The following CDH12 variants were observed in gnomAD, a reference collection of about 807,000 sequenced individuals.
CDH12 encodes cadherin-12.
Under a neutral mutation model 74.1 loss-of-function variants are expected in CDH12, and 41 were observed. The ratio of observed to expected loss-of-function variants is 0.55; its 90% CI spans 0.43 to 0.72. The LOEUF (loss-of-function observed/expected upper bound fraction) is 0.72. Among genes scored for constraint, CDH12 ranks in the 30% least tolerant of loss-of-function variants. The pLI, the probability that CDH12 is intolerant of heterozygous loss-of-function variation, is 0.00. For synonymous variants in CDH12, 399 were observed against 355.0 expected, an observed-to-expected ratio of 1.12 and a Z score of -1.39; for missense variants, 945 against 977.2, an observed-to-expected ratio of 0.97 and a Z score of 0.44.
chr5:22,066,187 T>G (rs942051061), intron 5 of CDH12, among the ~76,000 whole-genome samples: 52 of 152,108 alleles, frequency 3.4e-4, no homozygotes, highest in African/African-American at 6.0e-4. Context: ...CATAGGTTTT[T>G]GGGGGAACAG....
chr5:22,462,037 T>C (rs891449432), intron 2 of CDH12, among the ~76,000 whole-genome samples: 5 of 152,146 alleles, frequency 3.3e-5, no homozygotes, highest in Non-Finnish European at 7.4e-5. Context: ...AAATATACTA[T>C]AAGATACATC....
At chr5:21,797,308 A>G (rs142740187) in intron 10 of CDH12, among the ~76,000 whole-genome samples, 2 of 152,146 alleles carry the variant, frequency 1.3e-5, no homozygotes, top group African/African-American at 4.8e-5. Context: ...AAAGGAAAAC[A>G]AAACAAACAG....
At chr5:22,609,075 G>A (rs1737264577) in intron 1 of CDH12, among the ~76,000 whole-genome samples, 1 of 152,086 alleles carries the variant, frequency 6.6e-6, no homozygotes, top group Non-Finnish European at 1.5e-5. Context: ...CATGTGTTGA[G>A]GTAAGGGGCA....
intron 5 of CDH12, among the ~76,000 whole-genome samples, chr5:22,015,449 C>T (rs898911534): frequency 5.9e-5 from 9 of 152,108 alleles, no homozygotes; most frequent in Non-Finnish European, 1.3e-4. Context: ...TGGAAATTTA[C>T]ATTTTTATCT....
At chr5:21,868,108 T>C (rs1196103028) in intron 6 of CDH12, among the ~76,000 whole-genome samples, 1 of 152,094 alleles carries the variant, frequency 6.6e-6, no homozygotes, top group East Asian at 1.9e-4. Context: ...CCGTCCACCA[T>C]GATTGTGAGG....
intron 1 of CDH12, among the ~76,000 whole-genome samples, chr5:22,604,290 C>A (rs1217734968): frequency 1.3e-5 from 2 of 152,178 alleles, no homozygotes; most frequent in Non-Finnish European, 2.9e-5. Context: ...CCATGCCCAG[C>A]ACTTGTGACT....
In CDH12 at chr5:22,739,119, T is replaced by G. The variant is rs139053599; in HGVS notation, c.-523+113939A>C. Reference sequence around the variant, plus strand: ...CTCAAATGTCACTAAAGAAAGAAAATTCAAGGTAGTTATCATGTTAATTTG... The same window carrying G: ...CTCAAATGTCACTAAAGAAAGAAAAGTCAAGGTAGTTATCATGTTAATTTG... On this transcript the variant is annotated intron_variant, in intron 1 of 14. Coordinates refer to ENST00000382254, the MANE Select transcript of CDH12 (RefSeq NM_004061.5). Among the ~76,000 whole-genome samples, 441 of 151,928 alleles carry G rather than the reference T, an allele frequency of 2.9e-3. 1 individual carries two copies. Among genetic ancestry groups the G allele is most frequent in the African/African-American group, 0.01 (419 of 41,496 alleles).
At chr5:22,028,085 T>A (rs1738511237) in intron 5 of CDH12, among the ~76,000 whole-genome samples, 1 of 152,140 alleles carries the variant, frequency 6.6e-6, no homozygotes, top group South Asian at 2.1e-4. Context: ...CAGTAGTCAT[T>A]CAGGAGCAAG....
chr5:22,677,780 G>A (rs577313156), intron 1 of CDH12, among the ~76,000 whole-genome samples: 152 of 152,120 alleles, frequency 1.0e-3, no homozygotes, highest in Non-Finnish European at 1.8e-3. Context: ...GTCTTAGTTT[G>A]GGATGCCCAC....
chr5:22,246,026 G>T (rs561206889), intron 3 of CDH12, among the ~76,000 whole-genome samples: 1 of 152,174 alleles, frequency 6.6e-6, no homozygotes, highest in East Asian at 1.9e-4. Flanking sequence ...TAGTGGTATT[G>T]GTTGAACTAG....
At chr5:21,792,206 T>C (rs1746537411) in intron 10 of CDH12, among the ~76,000 whole-genome samples, 1 of 151,934 alleles carries the variant, frequency 6.6e-6, no homozygotes. Flanking sequence ...CAACAATATG[T>C]CAATTGTAAT....
intron 10 of CDH12, among the ~76,000 whole-genome samples, chr5:21,790,479 T>C (rs952030283): frequency 6.6e-6 from 1 of 152,094 alleles, no homozygotes; most frequent in African/African-American, 2.4e-5. Context: ...CAATGAAATG[T>C]AGCATGAAGC....
intron 3 of CDH12, among the ~76,000 whole-genome samples, chr5:22,308,928 AG>A (rs1181532865): frequency 6.7e-5 from 2 of 29,692 alleles, no homozygotes; most frequent in Non-Finnish European, 2.1e-4. Flanking sequence ...GAGGAGAGAG[AG>A]AGAAAGAGAG....
intron 2 of CDH12, among the ~76,000 whole-genome samples, chr5:22,489,089 G>A (rs74189343): frequency 9.6e-4 from 5 of 5,190 alleles, no homozygotes; most frequent in South Asian, 3.4e-3. Flanking sequence ...ACAGAGTCTC[G>A]CTCTGTTGCC....
chr5:22,267,805 T>C (rs1736201978), intron 3 of CDH12, among the ~76,000 whole-genome samples: 2 of 152,116 alleles, frequency 1.3e-5, no homozygotes, highest in South Asian at 4.1e-4. Context: ...AACTTGATAA[T>C]GGCATCAAAC....
intron 1 of CDH12, among the ~76,000 whole-genome samples, chr5:22,806,014 T>C (rs937361760): frequency 2.0e-5 from 3 of 152,202 alleles, no homozygotes; most frequent in Non-Finnish European, 4.4e-5. Context: ...CTGCATAGTA[T>C]TCCTTGATGT....
chr5:21,911,857 T>G (rs1052596157), intron 6 of CDH12, among the ~76,000 whole-genome samples: 3 of 152,108 alleles, frequency 2.0e-5, no homozygotes, highest in Non-Finnish European at 4.4e-5. Flanking sequence ...TAATTTTTTT[T>G]GTTTTCCCAT....
chr5:22,235,467 G>C (rs1752529207), intron 3 of CDH12, among the ~76,000 whole-genome samples: 1 of 151,950 alleles, frequency 6.6e-6, no homozygotes, highest in African/African-American at 2.4e-5. Flanking sequence ...TGTAGTCCCA[G>C]ATATTCGGGA....
chr5:21,985,482 C>A (rs1024151139), intron 5 of CDH12, among the ~76,000 whole-genome samples: 1 of 152,042 alleles, frequency 6.6e-6, no homozygotes, highest in Non-Finnish European at 1.5e-5. Context: ...AGTGGTAAGA[C>A]CCATTACCAT....
Sources: gnomAD v4.1 joint callset for allele counts (sites outside exome capture counted in the v4.1 genomes callset) on GRCh38, gnomAD v4.1.1 for gene constraint, MANE v1.5 for transcripts, NCBI Gene and HGNC (gene_info 2026-07-23, HGNC 2026-07-21) for gene names.